Variants in PLIN3 observed in about 807,000 individuals in gnomAD.
PLIN3 encodes the protein perilipin 3.
Under a neutral mutation model 35.9 loss-of-function variants are expected in PLIN3, and 30 were observed. The ratio of observed to expected loss-of-function variants is 0.84; its 90% CI spans 0.62 to 1.13. The LOEUF (loss-of-function observed/expected upper bound fraction) is 1.13, where lower values mean the gene tolerates loss of function less well. Among genes scored for constraint, PLIN3 ranks in the 50% most tolerant of loss-of-function variants. The pLI, the probability that PLIN3 is intolerant of heterozygous loss-of-function variation, is 0.00. For synonymous variants in PLIN3, 261 were observed against 262.5 expected (o/e 0.99, Z 0.06); for missense variants, 603 against 596.9 (o/e 1.01, Z -0.11).
chr19:4,862,945 T>C (rs1599177029), intron 1 of PLIN3, among the ~76,000 whole-genome samples: 2 of 148,946 alleles, frequency 1.3e-5, no homozygotes, highest in Non-Finnish European at 1.5e-5. Flanking sequence ...GAACACGAGG[T>C]CAGGAGTTCG....
At position 4,850,880 on chromosome 19, in the gene PLIN3, G is replaced by C. The variant is rs372438563; in HGVS notation, c.634+1136C>G. 1.6e-4 allele frequency among the ~76,000 whole-genome samples: 24 copies of C among 152,090 alleles called. No individual in the cohort carries two copies. The South Asian group carries it at 5.0e-3, about 32-fold the overall frequency. ...CCACCGCGCCCTGCCTATATCCTAA[G>C]CTACTTATTTGCAAAAATCCCAATC... On this transcript the variant is annotated intron_variant, in intron 5 of 7. Coordinates refer to ENST00000221957, the MANE Select transcript of PLIN3 (RefSeq NM_005817.5).
At position 4,845,286 on chromosome 19, in the gene PLIN3, T is replaced by C. The variant is rs1599160103; in HGVS notation, c.835-493A>G. Reference sequence around the variant, plus strand: ...ACTAAAAATACAAAAATTAGCCAGGTGTGGTGGTGCACATCTGTAGTCCCA... The same window carrying C: ...ACTAAAAATACAAAAATTAGCCAGGCGTGGTGGTGCACATCTGTAGTCCCA... On this transcript the variant is annotated intron_variant, in intron 6 of 7. Transcript: ENST00000221957. Among the ~76,000 whole-genome samples, 8 of 151,764 alleles carry C rather than the reference T, an allele frequency of 5.3e-5. 1 individual carries two copies.
chr19:4,866,175 G>A (rs1301869080), intron 1 of PLIN3, among the ~76,000 whole-genome samples: 1 of 151,750 alleles, frequency 6.6e-6, no homozygotes, highest in Non-Finnish European at 1.5e-5. Context: ...CCGCCACCAC[G>A]TCCGGCTAAT....
At chr19:4,861,971 C>T (rs1290174547) in intron 1 of PLIN3, among the ~76,000 whole-genome samples, 1 of 150,968 alleles carries the variant, frequency 6.6e-6, no homozygotes, top group Non-Finnish European at 1.5e-5. Context: ...CAGGGTCTTG[C>T]TCTGTCACCC....
chr19:4,845,255 G>A (rs184120814), intron 6 of PLIN3, among the ~76,000 whole-genome samples: 13 of 151,914 alleles, frequency 8.6e-5, no homozygotes, highest in South Asian at 6.3e-4. Context: ...GTGAAACCCC[G>A]TCTCTACTAA....
At chr19:4,858,944 C>A (rs1160385617) in intron 4 of PLIN3, among the ~76,000 whole-genome samples, 1 of 151,646 alleles carries the variant, frequency 6.6e-6, no homozygotes, top group Non-Finnish European at 1.5e-5. Context: ...TCAGGTGATC[C>A]TCCCGCCTTG....
intron 1 of PLIN3, among the ~76,000 whole-genome samples, chr19:4,864,887 T>A (rs747468820): frequency 1.3e-5 from 2 of 152,104 alleles, no homozygotes; most frequent in Non-Finnish European, 2.9e-5. Flanking sequence ...CTCGGTCATC[T>A]TACCTGTAAT....
chr19:4,839,410 G>C lies in PLIN3; in HGVS notation c.1087C>G (p.Arg363Gly), dbSNP rs149476540. ...TNVKDQVQQA[R>G]RQVEDLQATF... ...GCCTGGAGGTCCTCCACCTGGCGGC[G>C]GGCCTGCTGCACCTGGTCCTTCACA... The change falls in exon 8 of 8, where the codon CGC (arginine) becomes GGC (glycine). Residue 363 changes from arginine (R) to glycine (G), a missense_variant. Arg to Gly is a moderately radical substitution (Grantham distance 125). Transcript: ENST00000221957. The C allele has an allele frequency of 6.2e-7, 1 of 1,609,808 alleles. No individual in the cohort carries two copies. Among genetic ancestry groups the C allele is most frequent in the African/African-American group, 1.3e-5 (1 of 74,864 alleles).
In PLIN3 at chr19:4,859,644, C is replaced by G. The variant is rs2146213398; in HGVS notation, c.294G>C (p.Arg98Ser). ...GGTTCTCCTCCAACTTGTCCAGCCC[C>G]CTGTGGGCGTATTCGCTGGCTGATG... Reference protein sequence around the residue: ...QIASASEYAHRGLDKLEENLP... With the variant: ...QIASASEYAHSGLDKLEENLP... The change falls in exon 4 of 8, where the codon AGG (arginine) becomes AGC (serine). Residue 98 changes from arginine to serine, a missense_variant. Arg to Ser is a moderately radical substitution (Grantham distance 110). Coordinates refer to ENST00000221957, the MANE Select transcript of PLIN3 (RefSeq NM_005817.5). 3 of 1,614,168 alleles carry G rather than the reference C, an allele frequency of 1.9e-6. No individual in the cohort carries two copies. Among genetic ancestry groups the G allele is most frequent in the East Asian group, 2.2e-5 (1 of 44,892 alleles).
chr19:4,842,887 T>C (rs943036875), intron 7 of PLIN3, among the ~76,000 whole-genome samples: 5 of 152,118 alleles, frequency 3.3e-5, no homozygotes, highest in African/African-American at 1.2e-4. Context: ...TTGTAGCCCT[T>C]ACTATGTGCT....
In PLIN3 at chr19:4,861,475, C is replaced by T. The variant is rs2030674990; in HGVS notation, c.-17-64G>A. 2.6e-6 allele frequency: 3 copies of T among 1,156,008 alleles called. No individual in the cohort carries two copies. The African/African-American group carries it at 4.5e-5, about 17-fold the overall frequency. The allele number at this position is 1,156,008 out of a possible 1,614,324, so 71.6% of individuals were successfully genotyped here. A position where few individuals can be genotyped will look rare whatever the true frequency, so the allele number is the denominator to read the frequency against. ...CCCACCTTCCAGGAGAAAGTCCAGG[C>T]CCACGCTGCAGCTGGAAGACAGGGT... On this transcript the variant is annotated intron_variant, in intron 1 of 7. Transcript: ENST00000221957.
At chr19:4,854,701 A>G (rs2030416527) in intron 4 of PLIN3, among the ~76,000 whole-genome samples, 1 of 152,206 alleles carries the variant, frequency 6.6e-6, no homozygotes, top group South Asian at 2.1e-4. Flanking sequence ...GCCCGGATTA[A>G]AATCTAGCTC....
intron 4 of PLIN3, among the ~76,000 whole-genome samples, chr19:4,855,768 A>T (rs533146801): frequency 2.0e-5 from 3 of 152,010 alleles, no homozygotes; most frequent in African/African-American, 7.2e-5. Flanking sequence ...ACAAAAAATT[A>T]AAAAATTAGT....
intron 7 of PLIN3, among the ~76,000 whole-genome samples, chr19:4,844,369 G>A (rs145639094): frequency 0.036 from 5,443 of 152,192 alleles, 304 homozygotes; most frequent in African/African-American, 0.12. Flanking sequence ...GGGAGGCTGA[G>A]GCAGGAGAAT....
At position 4,845,785 on chromosome 19, in the gene PLIN3, G is replaced by A. The variant is rs371009658; in HGVS notation, c.835-992C>T. On this transcript the variant is annotated intron_variant, in intron 6 of 7. Coordinates refer to ENST00000221957, the MANE Select transcript of PLIN3 (RefSeq NM_005817.5). ...TAAAAATACAAAAAATTAGCCCAGCGTGGTGGTGGGCGCCTGTAGTCCCAG... is the reference window on the plus strand; with the variant it reads ...TAAAAATACAAAAAATTAGCCCAGCATGGTGGTGGGCGCCTGTAGTCCCAG... Among the ~76,000 whole-genome samples, 164 of 150,640 alleles carry A rather than the reference G, an allele frequency of 1.1e-3. 4 individuals are homozygous for A. The South Asian group carries it at 0.033, about 30-fold the overall frequency.
intron 4 of PLIN3, among the ~76,000 whole-genome samples, chr19:4,853,743 G>A (rs993134319): frequency 2.6e-5 from 4 of 151,954 alleles, no homozygotes; most frequent in South Asian, 2.1e-4. Context: ...AACCCGGGAG[G>A]TGGAGTTTGC....
At chr19:4,852,645 CTT>C (rs1160136382) in intron 4 of PLIN3, among the ~76,000 whole-genome samples, 8 of 146,110 alleles carry the variant, frequency 5.5e-5, no homozygotes, top group Admixed American at 1.4e-4. Context: ...TTCTTTCTTT[CTT>C]TTTTTTTTTT....
At chr19:4,857,868 C>G (rs1172093921) in intron 4 of PLIN3, among the ~76,000 whole-genome samples, 3 of 151,700 alleles carry the variant, frequency 2.0e-5, no homozygotes, top group Non-Finnish European at 2.9e-5. Context: ...CCCAGCCACT[C>G]GGGAGGCTGA....
intron 1 of PLIN3, among the ~76,000 whole-genome samples, chr19:4,864,999 G>A (rs762907228): frequency 6.6e-6 from 1 of 151,934 alleles, no homozygotes; most frequent in South Asian, 2.1e-4. Flanking sequence ...AGAGCAGCCT[G>A]GCCAACATAC....
Sources: gnomAD v4.1 joint callset for allele counts (sites outside exome capture counted in the v4.1 genomes callset) on GRCh38, gnomAD v4.1.1 for gene constraint, MANE v1.5 for transcripts, NCBI Gene and HGNC (gene_info 2026-07-23, HGNC 2026-07-21) for gene names.